HMGA2: variants seen among roughly 807,000 people sequenced by gnomAD.
HMGA2 encodes the protein high mobility group protein HMGI-C.
A neutral mutation model predicts 19.1 loss-of-function variants in HMGA2; 8 were observed. The observed-to-expected ratio is 0.42, with a 90% CI of 0.25 to 0.76. The LOEUF (loss-of-function observed/expected upper bound fraction) is 0.76. HMGA2 is among the 30% of genes least tolerant of loss of function. The pLI is 0.28. For synonymous variants in HMGA2, 60 were observed against 48.8 expected, an observed-to-expected ratio of 1.23 and a Z score of -0.96; for missense variants, 109 against 136.3, an observed-to-expected ratio of 0.80 and a Z score of 1.00.
intron 3 of HMGA2, among the ~76,000 whole-genome samples, chr12:65,843,811 G>A (rs981529004): frequency 1.2e-4 from 19 of 152,114 alleles, no homozygotes; most frequent in South Asian, 2.1e-4. Flanking sequence ...CACTTTGGGA[G>A]GCCAAGGCGG....
chr12:65,856,682 G>A (rs895371420), intron 3 of HMGA2: 2 of 152,314 alleles, frequency 1.3e-5, no homozygotes, highest in African/African-American at 4.8e-5. Flanking sequence ...GGTGTTGGCA[G>A]GGCCGTGCTC....
intron 3 of HMGA2, among the ~76,000 whole-genome samples, chr12:65,936,826 G>T (rs1406600124): frequency 6.6e-6 from 1 of 152,154 alleles, no homozygotes; most frequent in South Asian, 2.1e-4. Flanking sequence ...TTGCTACCAG[G>T]TCACACAGCT....
intron 3 of HMGA2, among the ~76,000 whole-genome samples, chr12:65,911,983 C>T (rs1403631378): frequency 6.6e-6 from 1 of 152,080 alleles, no homozygotes; most frequent in Non-Finnish European, 1.5e-5. Context: ...ATGGATCTGG[C>T]CATATCTACA....
chr12:65,913,188 A>T (rs1260873847), intron 3 of HMGA2, among the ~76,000 whole-genome samples: 1 of 151,822 alleles, frequency 6.6e-6, no homozygotes, highest in African/African-American at 2.4e-5. Flanking sequence ...CATTCCTTCC[A>T]CCATTTTGTG....
intron 3 of HMGA2, among the ~76,000 whole-genome samples, chr12:65,934,182 G>A (rs928965819): frequency 5.9e-5 from 9 of 152,174 alleles, no homozygotes; most frequent in Non-Finnish European, 1.2e-4. Context: ...GCTACATTGC[G>A]AGATATTATT....
chr12:65,908,866 A>G (rs1874718324), intron 3 of HMGA2, among the ~76,000 whole-genome samples: 1 of 152,170 alleles, frequency 6.6e-6, no homozygotes. Flanking sequence ...CAAAACTCTA[A>G]TCTTCATCTA....
intron 3 of HMGA2, among the ~76,000 whole-genome samples, chr12:65,848,315 T>C (rs529502976): frequency 1.5e-3 from 236 of 152,338 alleles, no homozygotes; most frequent in Non-Finnish European, 2.8e-3. Context: ...AAACTTATTT[T>C]AATGGCCTAT....
At chr12:65,939,260 G>T (rs1410354589) in intron 3 of HMGA2, among the ~76,000 whole-genome samples, 2 of 152,164 alleles carry the variant, frequency 1.3e-5, no homozygotes, top group Non-Finnish European at 2.9e-5. Flanking sequence ...TGATACTGGA[G>T]CATGAAGCAG....
intron 2 of HMGA2, among the ~76,000 whole-genome samples, chr12:65,833,511 T>G (rs1044322834): frequency 6.6e-6 from 1 of 151,868 alleles, no homozygotes; most frequent in Non-Finnish European, 1.5e-5. Flanking sequence ...GAACTTGTAA[T>G]AGCAAAAAAT....
intron 3 of HMGA2, among the ~76,000 whole-genome samples, chr12:65,945,948 A>G (rs769879996): frequency 1.3e-5 from 2 of 152,206 alleles, no homozygotes; most frequent in Non-Finnish European, 2.9e-5. Flanking sequence ...CACTAGTTCA[A>G]TGAGCTGGCT....
intron 3 of HMGA2, among the ~76,000 whole-genome samples, chr12:65,913,095 CA>C (rs1874914374): frequency 6.6e-6 from 1 of 152,156 alleles, no homozygotes; most frequent in Non-Finnish European, 1.5e-5. Context: ...GTTATTAAAA[CA>C]AAAAGGTTTT....
intron 3 of HMGA2, among the ~76,000 whole-genome samples, chr12:65,866,399 G>A (rs1378374173): frequency 6.6e-6 from 1 of 152,212 alleles, no homozygotes; most frequent in Non-Finnish European, 1.5e-5. Flanking sequence ...CTTTAGATCA[G>A]AGAGTCTGGG....
At chr12:65,830,213 C>T (rs1246757302) in intron 2 of HMGA2, among the ~76,000 whole-genome samples, 1 of 151,876 alleles carries the variant, frequency 6.6e-6, no homozygotes, top group Non-Finnish European at 1.5e-5. Flanking sequence ...ATTGATGAAT[C>T]GTTCATGGCA....
At chr12:65,917,750 G>C (rs1370824649) in intron 3 of HMGA2, among the ~76,000 whole-genome samples, 1 of 152,166 alleles carries the variant, frequency 6.6e-6, no homozygotes, top group Non-Finnish European at 1.5e-5. Flanking sequence ...AGATCTGTGG[G>C]TTTGGCCCTT....
At chr12:65,826,450 A>T (rs1176855798) in intron 1 of HMGA2, 1 of 152,150 alleles carries the variant, frequency 6.6e-6, no homozygotes, top group East Asian at 1.9e-4. Context: ...GGGCTTTAAA[A>T]CTTGCTCTCT....
chr12:65,830,128 A>G (rs555364782), intron 2 of HMGA2, among the ~76,000 whole-genome samples: 1 of 152,096 alleles, frequency 6.6e-6, no homozygotes, highest in Admixed American at 6.5e-5. Context: ...TGCCCATAAC[A>G]TGACTTATTT....
Position 65,928,326 on chromosome 12 carries a change from C to T in HMGA2, c.250-23057C>T, listed in dbSNP as rs575782923. ...TAAAATGGTACACCTGTATAGGGCA[C>T]TTACCATGGATGGAAATTGCCAGAC... On this transcript the variant is annotated intron_variant, in intron 3 of 4. Coordinates refer to ENST00000403681, the MANE Select transcript of HMGA2 (RefSeq NM_003483.6). Among the ~76,000 whole-genome samples, 11 of 152,270 alleles carry T rather than the reference C, an allele frequency of 7.2e-5. No homozygotes were observed. The South Asian group carries it at 2.3e-3, about 32-fold the overall frequency.
At chr12:65,832,719 G>A (rs1011076500) in intron 2 of HMGA2, among the ~76,000 whole-genome samples, 2 of 151,950 alleles carry the variant, frequency 1.3e-5, no homozygotes, top group East Asian at 1.9e-4. Flanking sequence ...ATTTGTTAGG[G>A]CATTGCATTA....
intron 4 of HMGA2, chr12:65,952,917 T>G (rs1161242715): frequency 6.4e-6 from 1 of 156,208 alleles, no homozygotes; most frequent in Non-Finnish European, 1.4e-5. Flanking sequence ...TGTATTTATA[T>G]GTATATGCCT....
Sources: gnomAD v4.1 joint callset for allele counts (sites outside exome capture counted in the v4.1 genomes callset) on GRCh38, gnomAD v4.1.1 for gene constraint, MANE v1.5 for transcripts, NCBI Gene and HGNC (gene_info 2026-07-23, HGNC 2026-07-21) for gene names.